PNPLA4: variants seen among roughly 807,000 people sequenced by gnomAD.
PNPLA4 encodes patatin like domain 4, phospholipase and triacylglycerol lipase.
PNPLA4 carries 15 observed loss-of-function variants against 18.3 expected under a neutral mutation model. That is an observed-to-expected ratio of 0.82 (90% CI 0.55 to 1.26). The LOEUF is 1.26. Ranked by LOEUF, PNPLA4 falls within the 50% of genes most tolerant of loss-of-function variation. PNPLA4 has a pLI of 0.00. For missense variants in PNPLA4, 229 were observed against 196.8 expected, an observed-to-expected ratio of 1.16 and a Z score of -0.98; for synonymous variants, 88 against 85.6, an observed-to-expected ratio of 1.03 and a Z score of -0.16.
At chrX:7,903,591 G>A (rs1601643275) in intron 5 of PNPLA4, among the ~76,000 whole-genome samples, 2 of 111,528 alleles carry the variant, frequency 1.8e-5, no homozygotes, top group South Asian at 7.5e-4. Context: ...GAGTCACTGC[G>A]CCTGGCCAAT....
rs762254864 is a variant in PNPLA4 at position 7,913,281 on chromosome X, T to G, written c.412-1188A>C. On this transcript the variant is annotated intron_variant, in intron 4 of 6. Coordinates refer to ENST00000381042, the MANE Select transcript of PNPLA4 (RefSeq NM_004650.3). Reference sequence around the variant, plus strand: ...GTGTCTCTCCTGGTATGTCCAGCCCTTGGCAGAGTTAGTACTCAACAAACA... The same window carrying G: ...GTGTCTCTCCTGGTATGTCCAGCCCGTGGCAGAGTTAGTACTCAACAAACA... 1.2e-4 allele frequency among the ~76,000 whole-genome samples: 13 copies of G among 112,122 alleles called. No homozygotes were observed. In the East Asian group the frequency reaches 3.7e-3, roughly 32 times the overall value.
intron 5 of PNPLA4, among the ~76,000 whole-genome samples, chrX:7,910,035 G>A (rs779030040): frequency 6.8e-4 from 76 of 111,964 alleles, no homozygotes; most frequent in Non-Finnish European, 1.4e-3. Context: ...AGAGACTGGC[G>A]TAATAGGGAC....
chrX:7,920,214 G>A (rs1367675124), intron 4 of PNPLA4, among the ~76,000 whole-genome samples: 13 of 106,805 alleles, frequency 1.2e-4, no homozygotes, highest in African/African-American at 4.4e-4. Context: ...GAGAGATCTG[G>A]GGCAGAATCC....
rs1369491529 is a variant in PNPLA4, at chrX:7,900,038, C to T, written c.*648G>A. On this transcript the variant is annotated 3_prime_UTR_variant, in exon 7 of 7. Coordinates refer to ENST00000381042, the MANE Select transcript of PNPLA4 (RefSeq NM_004650.3). ...GGAGTTTCCCTGCACAAGTTTTCTT[C>T]TCTTGTCTGCTGCCATGTGAGACAT... 1.7e-5 allele frequency: 2 copies of T among 118,824 alleles called. No homozygotes were observed. The highest frequency in any genetic ancestry group is 6.5e-5 in the African/African-American group (2 of 30,957). 9.8% of individuals were successfully genotyped at this position (118,824 alleles called of 1,213,427 possible).
chrX:7,920,525 T>C (rs181574201), intron 4 of PNPLA4, among the ~76,000 whole-genome samples: 28 of 112,487 alleles, frequency 2.5e-4, no homozygotes, highest in Middle Eastern at 4.6e-3. Flanking sequence ...AATTCAACAT[T>C]TCATTAAGTA....
At chrX:7,907,041 G>C (rs1194598790) in intron 5 of PNPLA4, among the ~76,000 whole-genome samples, 2 of 110,057 alleles carry the variant, frequency 1.8e-5, no homozygotes, top group Non-Finnish European at 3.8e-5. Flanking sequence ...TTTTCAGACA[G>C]AGTTTCACTC....
At chrX:7,910,394 G>C (rs887162087) in intron 5 of PNPLA4, among the ~76,000 whole-genome samples, 15 of 110,843 alleles carry the variant, frequency 1.4e-4, no homozygotes, top group African/African-American at 4.6e-4. Context: ...CACAGGCCTG[G>C]TGCTGGGCCC....
At position 7,899,626 on chromosome X, in the gene PNPLA4, CGAGAGAGAGAGAGAGAGAGAGAGAGA is replaced by C. The variant is rs59034856; in HGVS notation, c.*1034_*1059del. ...TAGCTAAATACTCAGAGAGGTATGG[CGAGAGAGAGAGAGAGAGAGAGAGAGA>C]GAGAGAGAGAGAGAGAGAGAGAGAG... On this transcript the variant is annotated 3_prime_UTR_variant, in exon 7 of 7. Transcript: ENST00000381042. 4.3e-5 allele frequency: 2 copies of C among 46,583 alleles called. No homozygotes were observed. Among genetic ancestry groups the C allele is most frequent in the African/African-American group, 8.1e-5 (1 of 12,320 alleles). 3.8% of individuals were successfully genotyped at this position (46,583 alleles called of 1,213,427 possible). A position where few individuals can be genotyped will look rare whatever the true frequency, so the allele number is the denominator to read the frequency against.
chrX:7,920,293 C>T (rs138858812), intron 4 of PNPLA4, among the ~76,000 whole-genome samples: 90 of 111,340 alleles, frequency 8.1e-4, no homozygotes, highest in African/African-American at 2.5e-3. Context: ...GTCTGCCCAC[C>T]GCAAGCCTTA....
chrX:7,911,923 A>G lies in PNPLA4; in HGVS notation c.477+105T>C, dbSNP rs1373258202. 4 of 541,727 alleles carry G rather than the reference A, an allele frequency of 7.4e-6. No individual in the cohort carries two copies. The Admixed American group carries it at 1.1e-4, about 15-fold the overall frequency. The allele number at this position is 541,727 out of a possible 1,213,427, so 44.6% of individuals were successfully genotyped here. ...AACAAAGCTATTTAGGAGGAAAAAA[A>G]CATAAACTGATTTGAAGCCACTAGA... is the stretch of plus-strand genomic sequence containing the variant. On this transcript the variant is annotated intron_variant, in intron 5 of 6. Transcript: ENST00000381042.
At chrX:7,922,434 C>A (rs1219501699) in intron 2 of PNPLA4, among the ~76,000 whole-genome samples, 1 of 112,706 alleles carries the variant, frequency 8.9e-6, no homozygotes, top group Admixed American at 9.4e-5. Context: ...TTCTCTCCCA[C>A]CCCTATTTTG....
chrX:7,904,998 T>A (rs1174113185), intron 5 of PNPLA4, among the ~76,000 whole-genome samples: 1 of 112,418 alleles, frequency 8.9e-6, no homozygotes, highest in East Asian at 2.8e-4. Flanking sequence ...AGTGACCACC[T>A]CTCAGTCCCA....
intron 5 of PNPLA4, among the ~76,000 whole-genome samples, chrX:7,902,455 A>G (rs1182581593): frequency 8.9e-6 from 1 of 112,218 alleles, no homozygotes; most frequent in Non-Finnish European, 1.9e-5. Flanking sequence ...TAAAAAGTCA[A>G]ATTTACTGTG....
chrX:7,911,908 T>C (rs1190221019), intron 5 of PNPLA4, 120 bp downstream of exon 5: 2 of 468,568 alleles, frequency 4.3e-6, no homozygotes, highest in East Asian at 7.6e-5. Flanking sequence ...AACAAAGCTA[T>C]TTAGGAGGAA....
rs763944921 is a variant in PNPLA4, at chrX:7,899,626, C to CAAGAGAGA, written c.*1059_*1060insTCTCTCTT. On this transcript the variant is annotated 3_prime_UTR_variant, in exon 7 of 7. Coordinates refer to ENST00000381042, the MANE Select transcript of PNPLA4 (RefSeq NM_004650.3). ...TAGCTAAATACTCAGAGAGGTATGG[C>CAAGAGAGA]GAGAGAGAGAGAGAGAGAGAGAGAG... 2.1e-5 allele frequency: 1 copy of CAAGAGAGA among 46,583 alleles called. No individual in the cohort carries two copies. The highest frequency in any genetic ancestry group is 4.0e-5 in the Non-Finnish European group (1 of 25,176). 3.8% of individuals were successfully genotyped at this position (46,583 alleles called of 1,213,427 possible).
intron 5 of PNPLA4, 86 bp downstream of exon 5, chrX:7,911,942 C>T (rs1923888506): frequency 1.6e-6 from 1 of 638,545 alleles, no homozygotes; most frequent in South Asian, 2.5e-5. Context: ...GATTTGAAGC[C>T]ACTAGAATAA....
At chrX:7,923,407 T>C (rs368593300) in intron 2 of PNPLA4, among the ~76,000 whole-genome samples, 1 of 111,930 alleles carries the variant, frequency 8.9e-6, no homozygotes, top group Non-Finnish European at 1.9e-5. Flanking sequence ...AGGAAATGGA[T>C]TCTCCCCTGG....
intron 4 of PNPLA4, among the ~76,000 whole-genome samples, chrX:7,913,398 G>A (rs927553033): frequency 1.2e-4 from 14 of 112,160 alleles, no homozygotes; most frequent in Non-Finnish European, 5.6e-5. Context: ...AGGTTGCCCA[G>A]TGCTGTTGGT....
At chrX:7,918,611 CCAT>C (rs1924118007) in intron 4 of PNPLA4, among the ~76,000 whole-genome samples, 1 of 110,928 alleles carries the variant, frequency 9.0e-6, no homozygotes, top group South Asian at 3.8e-4. Flanking sequence ...CCACAGCTAC[CCAT>C]CATCGAGCTG....
Sources: gnomAD v4.1 joint callset for allele counts (sites outside exome capture counted in the v4.1 genomes callset) on GRCh38, gnomAD v4.1.1 for gene constraint, MANE v1.5 for transcripts, NCBI Gene and HGNC (gene_info 2026-07-23, HGNC 2026-07-21) for gene names.